SMAD7: variants seen among roughly 807,000 people sequenced by gnomAD.
The protein encoded by SMAD7 is SMAD family member 7.
A neutral mutation model predicts 38.7 loss-of-function variants in SMAD7; 8 were observed. That is an observed-to-expected ratio of 0.21 (90% CI 0.12 to 0.37). The LOEUF is 0.37. Ranked by LOEUF, SMAD7 falls within the 10% of genes least tolerant of loss-of-function variation. The pLI is 1.00. For missense variants in SMAD7, 477 were observed against 577.9 expected (o/e 0.83, Z 1.79); for synonymous variants, 327 against 265.1 (o/e 1.23, Z -2.27).
intron 3 of SMAD7, among the ~76,000 whole-genome samples, chr18:48,925,981 C>T (rs1203516010): frequency 2.0e-5 from 3 of 152,172 alleles, no homozygotes; most frequent in Non-Finnish European, 2.9e-5. Context: ...CTCCTGACCT[C>T]GTGATCCGCC....
rs574732286 is a variant in SMAD7, at chr18:48,944,815, T to C, written c.668-2260A>G. 2.0e-5 allele frequency among the ~76,000 whole-genome samples: 3 copies of C among 152,348 alleles called. No individual in the cohort carries two copies. In the East Asian group the frequency reaches 5.8e-4, roughly 29 times the overall value. On this transcript the variant is annotated intron_variant, in intron 2 of 3. Coordinates refer to ENST00000262158, the MANE Select transcript of SMAD7 (RefSeq NM_005904.4). Reference sequence around the variant, plus strand: ...GTCGCCTGTTCCCCAGAGCCCAGGCTGGCTGGCAGACAGAAGCTCTAGGCC... The same window carrying C: ...GTCGCCTGTTCCCCAGAGCCCAGGCCGGCTGGCAGACAGAAGCTCTAGGCC...
At chr18:48,946,373 C>A (rs1272740080) in intron 2 of SMAD7, among the ~76,000 whole-genome samples, 1 of 151,592 alleles carries the variant, frequency 6.6e-6, no homozygotes, top group African/African-American at 2.4e-5. Context: ...TGTGGTCTGA[C>A]CTCAATGCCC....
In SMAD7 at chr18:48,948,379, C is replaced by T; in HGVS notation, c.667+5G>A. ...AGCAGGATATTTTAAAAATCATCTA[C>T]TCACCAGTTGGTTTGAGAAAATCCA... On this transcript the variant is annotated splice_donor_5th_base_variant and intron_variant, in intron 2 of 3. Coordinates refer to ENST00000262158, the MANE Select transcript of SMAD7 (RefSeq NM_005904.4). The T allele has an allele frequency of 6.3e-7, 1 of 1,584,850 alleles. No homozygotes were observed. The highest frequency in any genetic ancestry group is 2.3e-5 in the East Asian group (1 of 44,096).
At chr18:48,948,571 G>C in intron 1 of SMAD7, 134 bp from the exon 2 acceptor site, 2 of 576,590 alleles carry the variant, frequency 3.5e-6, no homozygotes, top group Non-Finnish European at 6.0e-6. Flanking sequence ...CCGCGAGGCG[G>C]TGATTGCCTT....
At position 48,920,299 on chromosome 18, in the gene SMAD7, A is replaced by G. The variant is rs982157343; in HGVS notation, c.*1073T>C. 1 of 152,714 alleles carries G rather than the reference A, an allele frequency of 6.5e-6. No individual in the cohort carries two copies. The highest frequency in any genetic ancestry group is 6.5e-5 in the Admixed American group (1 of 15,290). The allele number at this position is 152,714 out of a possible 1,614,324, so 9.5% of individuals were successfully genotyped here. On this transcript the variant is annotated 3_prime_UTR_variant, in exon 4 of 4. Coordinates refer to ENST00000262158, the MANE Select transcript of SMAD7 (RefSeq NM_005904.4). ...GAGCTAAGAACAGTGTCGAAGTATC[A>G]TACGAGTGTATGAGTTGTAGAAGAA...
In SMAD7 at chr18:48,950,025, A is replaced by G; in HGVS notation, c.400T>C (p.Cys134Arg). The G allele has an allele frequency of 1.4e-6, 2 of 1,475,678 alleles. No homozygotes were observed. Among genetic ancestry groups the G allele is most frequent in the Non-Finnish European group, 1.8e-6 (2 of 1,117,740 alleles). The allele number at this position is 1,475,678 out of a possible 1,614,324, so 91.4% of individuals were successfully genotyped here. A position where few individuals can be genotyped will look rare whatever the true frequency, so the allele number is the denominator to read the frequency against. ...GCGGGCGCCCCCGGGCCCAGCCTGCAGTCCAGGCGGCCGGGCAGCAGGAGG... is the reference window on the plus strand; with the variant it reads ...GCGGGCGCCCCCGGGCCCAGCCTGCGGTCCAGGCGGCCGGGCAGCAGGAGG... The part of the protein sequence containing the change: ...ACLLLPGRLD[C>R]RLGPGAPAGA... Residue 134 changes from cysteine (C) to arginine (R), a missense_variant, in exon 1 of 4, where the codon TGC (cysteine) becomes CGC (arginine). Transcript: ENST00000262158.
chr18:48,922,279 C>T (rs576375402), intron 3 of SMAD7, among the ~76,000 whole-genome samples: 14 of 152,338 alleles, frequency 9.2e-5, no homozygotes, highest in East Asian at 1.9e-4. Context: ...GCCTCAGCAA[C>T]GTCCTGGAGT....
intron 3 of SMAD7, among the ~76,000 whole-genome samples, 199 bp from the exon 4 acceptor site, chr18:48,922,109 T>C (rs1370080384): frequency 6.6e-6 from 1 of 152,186 alleles, no homozygotes; most frequent in Non-Finnish European, 1.5e-5. Flanking sequence ...TCTTTAAGCA[T>C]AGGAAGCGCT....
chr18:48,939,787 G>A (rs975999190), intron 3 of SMAD7, among the ~76,000 whole-genome samples: 5 of 151,898 alleles, frequency 3.3e-5, no homozygotes, highest in Non-Finnish European at 7.4e-5. Flanking sequence ...GGAGGAGGAG[G>A]GAGAAACTCC....
chr18:48,942,357 G>T lies in SMAD7; in HGVS notation c.742+124C>A, dbSNP rs910803056. 24 of 682,890 alleles carry T rather than the reference G, an allele frequency of 3.5e-5. No individual in the cohort carries two copies. The African/African-American group carries it at 4.1e-4, about 12-fold the overall frequency. 42.3% of individuals were successfully genotyped at this position (682,890 alleles called of 1,614,324 possible). ...TCACCACCGATGCATCCAACTTAAGGCATATAAAAATGAGAATGAAGTCCA... is the reference window on the plus strand; with the variant it reads ...TCACCACCGATGCATCCAACTTAAGTCATATAAAAATGAGAATGAAGTCCA... On this transcript the variant is annotated intron_variant, in intron 3 of 3. Coordinates refer to ENST00000262158, the MANE Select transcript of SMAD7 (RefSeq NM_005904.4).
chr18:48,940,581 T>C (rs1363439191), intron 3 of SMAD7, among the ~76,000 whole-genome samples: 1 of 151,952 alleles, frequency 6.6e-6, no homozygotes, highest in African/African-American at 2.4e-5. Context: ...CGAAACCCCA[T>C]CTCTACTAAA....
Position 48,949,458 on chromosome 18 carries a change from AC to A in SMAD7, c.613+353del, listed in dbSNP as rs143990243. ...GTCTTTCCGGGTGCGGGGAGGCGTG[AC>A]CCCCCCACCTCCCTCTGCACCCCCT... On this transcript the variant is annotated intron_variant, in intron 1 of 3. Transcript: ENST00000262158. The A allele has an allele frequency of 1.1e-3, 194 of 172,744 alleles. 1 individual carries two copies. Among genetic ancestry groups the A allele is most frequent in the African/African-American group, 3.8e-3 (158 of 41,152 alleles). The allele number at this position is 172,744 out of a possible 1,614,324, so 10.7% of individuals were successfully genotyped here.
intron 3 of SMAD7, among the ~76,000 whole-genome samples, chr18:48,926,700 C>T (rs1475475480): frequency 3.9e-5 from 6 of 152,240 alleles, no homozygotes; most frequent in Admixed American, 2.0e-4. Flanking sequence ...AACATCACCA[C>T]GCCTCGCTAA....
chr18:48,936,581 G>A lies in SMAD7; in HGVS notation c.742+5900C>T, dbSNP rs868150646. On this transcript the variant is annotated intron_variant, in intron 3 of 3. Coordinates refer to ENST00000262158, the MANE Select transcript of SMAD7 (RefSeq NM_005904.4). ...AATGTCTCTACAAAGAAGCAAGAAA[G>A]TTATCTGGGAAGCTGAATCCCGAGG... Among the ~76,000 whole-genome samples, 46 of 152,326 alleles carry A rather than the reference G, an allele frequency of 3.0e-4. No homozygotes were observed. The Middle Eastern group carries it at 0.01, about 34-fold the overall frequency.
In SMAD7 at chr18:48,948,366, T is replaced by A. The variant is rs1568306567; in HGVS notation, c.667+18A>T. ...CTAACTTAAGATAAGCAGGATATTT[T>A]AAAAATCATCTACTCACCAGTTGGT... On this transcript the variant is annotated intron_variant, in intron 2 of 3. Transcript: ENST00000262158. The A allele has an allele frequency of 2.6e-6, 4 of 1,560,526 alleles. No individual in the cohort carries two copies. Among genetic ancestry groups the A allele is most frequent in the East Asian group, 2.3e-5 (1 of 43,526 alleles).
intron 3 of SMAD7, among the ~76,000 whole-genome samples, chr18:48,936,600 C>T (rs2070069829): frequency 6.6e-6 from 1 of 152,208 alleles, no homozygotes; most frequent in Admixed American, 6.5e-5. Context: ...GAAGCTGAAT[C>T]CCGAGGGATT....
Position 48,949,897 on chromosome 18 carries a change from C to T in SMAD7, c.528G>A (p.Arg176=). 1 of 1,613,748 alleles carries T rather than the reference C, an allele frequency of 6.2e-7. No homozygotes were observed. The highest frequency in any genetic ancestry group is 1.1e-5 in the South Asian group (1 of 91,052). ...PDLRHSSEVK[R]LCCCESYGKI... ...TCCCGTAAGATTCACAGCAACACAG[C>T]CTCTTGACTTCCGAGGAATGCCTGA... Residue 176 remains arginine, a synonymous_variant, in exon 1 of 4, where the codon AGG becomes AGA. Coordinates refer to ENST00000262158, the MANE Select transcript of SMAD7 (RefSeq NM_005904.4).
chr18:48,924,270 T>C (rs1195565942), intron 3 of SMAD7, among the ~76,000 whole-genome samples: 1 of 152,152 alleles, frequency 6.6e-6, no homozygotes, highest in Non-Finnish European at 1.5e-5. Flanking sequence ...CTTTGTTTCA[T>C]GCAGCCAGGA....
chr18:48,921,682 G>A lies in SMAD7; in HGVS notation c.971C>T (p.Thr324Met), dbSNP rs757895497. 3 of 1,612,902 alleles carry A rather than the reference G, an allele frequency of 1.9e-6. No homozygotes were observed. The highest frequency in any genetic ancestry group is 2.5e-6 in the Non-Finnish European group (3 of 1,179,558). Reference protein sequence around the residue: ...RSKIGCGIQLTREVDGVWVYN... With the variant: ...RSKIGCGIQLMREVDGVWVYN... ...CACCCACACACCATCCACCTCCCGCGTCAGCTGGATGCCGCAGCCGATTTT... is the reference window on the plus strand; with the variant it reads ...CACCCACACACCATCCACCTCCCGCATCAGCTGGATGCCGCAGCCGATTTT... Residue 324 changes from threonine (T) to methionine (M), a missense_variant, in exon 4 of 4, where the codon ACG (threonine) becomes ATG (methionine). By Grantham distance (81) the Thr-to-Met change is moderately conservative (BLOSUM62 -1). Around this residue, in one of 2 missense-constraint regions of SMAD7, gnomAD observed 101 missense variants for 198.5 expected, o/e 0.51. Coordinates refer to ENST00000262158, the MANE Select transcript of SMAD7 (RefSeq NM_005904.4). The surrounding 1 kb of genome is among the most constrained non-coding windows in gnomAD (Gnocchi z 6.4).
Sources: gnomAD v4.1 joint callset for allele counts (sites outside exome capture counted in the v4.1 genomes callset) on GRCh38, gnomAD v4.1.1 for gene constraint, gnomAD v4.1.1 regional missense constraint, Gnocchi (gnomAD v3.1) non-coding constraint, MANE v1.5 for transcripts, NCBI Gene and HGNC (gene_info 2026-07-23, HGNC 2026-07-21) for gene names.